Variants in PGM2L1 observed in about 807,000 individuals in gnomAD.
PGM2L1 encodes phosphoglucomutase 2 like 1.
Under a neutral mutation model 73.4 loss-of-function variants are expected in PGM2L1, and 35 were observed. The ratio of observed to expected loss-of-function variants is 0.48; its 90% CI spans 0.36 to 0.63. PGM2L1 has a LOEUF of 0.63. Among genes scored for constraint, PGM2L1 ranks in the 30% least tolerant of loss-of-function variants. The pLI, the probability that PGM2L1 is intolerant of heterozygous loss-of-function variation, is 0.00. For synonymous variants in PGM2L1, 225 were observed against 253.8 expected, an observed-to-expected ratio of 0.89 and a Z score of 1.08; for missense variants, 570 against 742.0, an observed-to-expected ratio of 0.77 and a Z score of 2.69.
chr11:74,393,730 T>C (rs1298727957), intron 1 of PGM2L1, among the ~76,000 whole-genome samples: 2 of 152,200 alleles, frequency 1.3e-5, no homozygotes, highest in Non-Finnish European at 2.9e-5. Flanking sequence ...GTTGTTGATA[T>C]ATAGGAAGTT....
intron 1 of PGM2L1, among the ~76,000 whole-genome samples, chr11:74,377,130 T>C (rs994449759): frequency 6.7e-6 from 1 of 149,656 alleles, no homozygotes; most frequent in African/African-American, 2.4e-5. Flanking sequence ...TTATCATTAT[T>C]ATTATTTCTT....
At chr11:74,361,501 G>A (rs1862562932) in intron 5 of PGM2L1, among the ~76,000 whole-genome samples, 1 of 152,186 alleles carries the variant, frequency 6.6e-6, no homozygotes, top group African/African-American at 2.4e-5. Context: ...CTCTCCCCCT[G>A]CAAAGGAACA....
rs994450836 is a variant in PGM2L1 at position 74,336,771 on chromosome 11, G to A, written c.1767-17C>T. On this transcript the variant is annotated splice_polypyrimidine_tract_variant and intron_variant, in intron 13 of 13. Coordinates refer to ENST00000298198, the MANE Select transcript of PGM2L1 (RefSeq NM_173582.6). ...GCAGTGTCACTGAGGAAAAGATGAA[G>A]AGTTTTGGAATTATTTATTTTCATA... is the stretch of plus-strand genomic sequence containing the variant. 6.5e-7 allele frequency: 1 copy of A among 1,538,280 alleles called. No individual in the cohort carries two copies. The highest frequency in any genetic ancestry group is 1.8e-5 in the Admixed American group (1 of 55,760).
chr11:74,377,137 TC>T (rs1565443878), intron 1 of PGM2L1, among the ~76,000 whole-genome samples: 2 of 143,336 alleles, frequency 1.4e-5, no homozygotes, highest in African/African-American at 5.1e-5. Flanking sequence ...TATTATTATT[TC>T]TTTTTTTTTT....
At chr11:74,353,830 G>A (rs1014063586) in intron 5 of PGM2L1, among the ~76,000 whole-genome samples, 6 of 143,400 alleles carry the variant, frequency 4.2e-5, no homozygotes, top group Admixed American at 3.5e-4. Flanking sequence ...ATCATGGCCC[G>A]TTCTCAATGA....
At chr11:74,370,879 G>A in intron 4 of PGM2L1, 23 bp downstream of exon 4, 1 of 1,561,048 alleles carries the variant, frequency 6.4e-7, no homozygotes, top group Non-Finnish European at 8.8e-7. Flanking sequence ...CAAGCTATAT[G>A]ATCACCAACA....
At chr11:74,337,897 A>AG (rs933918416) in intron 13 of PGM2L1, among the ~76,000 whole-genome samples, 10 of 152,198 alleles carry the variant, frequency 6.6e-5, no homozygotes, top group Non-Finnish European at 1.3e-4. Flanking sequence ...GTTCACTCCT[A>AG]GGTATATACC....
intron 5 of PGM2L1, among the ~76,000 whole-genome samples, chr11:74,359,108 A>G (rs938467350): frequency 6.6e-6 from 1 of 152,200 alleles, no homozygotes; most frequent in Non-Finnish European, 1.5e-5. Flanking sequence ...ATATGTGTAT[A>G]TATTCATGCC....
At chr11:74,356,895 G>A (rs1862466233) in intron 5 of PGM2L1, among the ~76,000 whole-genome samples, 1 of 151,966 alleles carries the variant, frequency 6.6e-6, no homozygotes, top group Non-Finnish European at 1.5e-5. Context: ...GTGCAATGGT[G>A]CAGTCTCGGC....
rs1863215004 is a variant in PGM2L1, at chr11:74,398,315, G to A, written c.-154C>T. The A allele has an allele frequency of 8.4e-7, 1 of 1,195,504 alleles. No individual in the cohort carries two copies. The highest frequency in any genetic ancestry group is 1.1e-6 in the Non-Finnish European group (1 of 912,386). The allele number at this position is 1,195,504 out of a possible 1,614,324, so 74.1% of individuals were successfully genotyped here. On this transcript the variant is annotated 5_prime_UTR_variant, in exon 1 of 14. Coordinates refer to ENST00000298198, the MANE Select transcript of PGM2L1 (RefSeq NM_173582.6). ...GGGTGTTCGTAACAGCTCCTGCCGC[G>A]GCGTCAGGGAACCGGGAGAGAGGGG...
intron 1 of PGM2L1, among the ~76,000 whole-genome samples, chr11:74,388,822 G>A (rs563333115): frequency 3.9e-5 from 6 of 152,216 alleles, no homozygotes; most frequent in Admixed American, 2.0e-4. Context: ...CACCAGCATA[G>A]AACATTTTCT....
rs1164207147 is a variant in PGM2L1, at chr11:74,338,458, C to G, written c.1766+10G>C. 3.9e-6 allele frequency: 6 copies of G among 1,529,846 alleles called. No homozygotes were observed. Among genetic ancestry groups the G allele is most frequent in the Non-Finnish European group, 5.3e-6 (6 of 1,124,356 alleles). 94.8% of individuals were successfully genotyped at this position (1,529,846 alleles called of 1,614,324 possible). ...TTTTGTATGTATATCTTAAAAAAAT[C>G]AATTCTTACCTCTGGTCAGGTGACG... On this transcript the variant is annotated intron_variant, in intron 13 of 13. Coordinates refer to ENST00000298198, the MANE Select transcript of PGM2L1 (RefSeq NM_173582.6).
rs1437815007 is a variant in PGM2L1 at position 74,335,785 on chromosome 11, T to C, written c.*867A>G. The stretch of plus-strand genomic sequence containing the variant: ...CATTAAGCTTGCTTTTATTAAGATC[T>C]TTATTTATATTCCTAAGATTTTAAA... On this transcript the variant is annotated 3_prime_UTR_variant, in exon 14 of 14. Coordinates refer to ENST00000298198, the MANE Select transcript of PGM2L1 (RefSeq NM_173582.6). 1.3e-5 allele frequency: 2 copies of C among 152,656 alleles called. No homozygotes were observed. Among genetic ancestry groups the C allele is most frequent in the Non-Finnish European group, 2.9e-5 (2 of 68,030 alleles). The allele number at this position is 152,656 out of a possible 1,614,324, so 9.5% of individuals were successfully genotyped here. A position where few individuals can be genotyped will look rare whatever the true frequency, so the allele number is the denominator to read the frequency against.
chr11:74,341,758 C>G (rs1365229437), intron 12 of PGM2L1, among the ~76,000 whole-genome samples: 3 of 150,404 alleles, frequency 2.0e-5, no homozygotes, highest in South Asian at 4.2e-4. Context: ...AGGAAAATGG[C>G]TGCTTCATAG....
intron 5 of PGM2L1, among the ~76,000 whole-genome samples, chr11:74,363,781 G>A (rs919165989): frequency 1.2e-4 from 18 of 152,164 alleles, no homozygotes; most frequent in Non-Finnish European, 1.8e-4. Flanking sequence ...TCTATTGGAG[G>A]TATAAGGAGG....
intron 1 of PGM2L1, among the ~76,000 whole-genome samples, chr11:74,382,612 C>A (rs570011032): frequency 3.3e-5 from 5 of 152,268 alleles, no homozygotes; most frequent in African/African-American, 1.2e-4. Context: ...AATCTTCCTA[C>A]CTCAGCCTCC....
At chr11:74,347,609 C>T (rs555480690) in intron 6 of PGM2L1, among the ~76,000 whole-genome samples, 1 of 152,266 alleles carries the variant, frequency 6.6e-6, no homozygotes, top group South Asian at 2.1e-4. Flanking sequence ...AAGCTTGTAT[C>T]ATCTAAGTAA....
chr11:74,336,830 T>A (rs985153468), intron 13 of PGM2L1, 76 bp from the exon 14 acceptor site: 4 of 991,430 alleles, frequency 4.0e-6, no homozygotes, highest in East Asian at 2.7e-5. Context: ...TGTGATTTTT[T>A]AAGAGGTCCT....
Position 74,334,840 on chromosome 11 carries a change from A to C in PGM2L1, c.*1812T>G, listed in dbSNP as rs1252692519. On this transcript the variant is annotated 3_prime_UTR_variant, in exon 14 of 14. Transcript: ENST00000298198. ...CTAACTATACCCCATATGTATTCTG[A>C]GAACTATGTAGGACAAGATACATTT... is the stretch of plus-strand genomic sequence containing the variant. 1 of 151,992 alleles carries C rather than the reference A, an allele frequency of 6.6e-6. No homozygotes were observed. The allele number at this position is 151,992 out of a possible 1,614,324, so 9.4% of individuals were successfully genotyped here.
Sources: gnomAD v4.1 joint callset for allele counts (sites outside exome capture counted in the v4.1 genomes callset) on GRCh38, gnomAD v4.1.1 for gene constraint, MANE v1.5 for transcripts, NCBI Gene and HGNC (gene_info 2026-07-23, HGNC 2026-07-21) for gene names.